CCDC158: variants seen among roughly 807,000 people sequenced by gnomAD.
CCDC158 encodes the protein coiled-coil domain containing 158.
Under a neutral mutation model 138.6 loss-of-function variants are expected in CCDC158, and 116 were observed. The ratio of observed to expected loss-of-function variants is 0.84; its 90% CI spans 0.72 to 0.98. The LOEUF is 0.98. Among genes scored for constraint, CCDC158 ranks in the 50% least tolerant of loss-of-function variants. The probability of loss-of-function intolerance (pLI) is 0.00; values close to 1 mark genes in which losing one functional copy is unlikely to be tolerated. For missense variants in CCDC158, 1,265 were observed against 1,306.1 expected (o/e 0.97, Z 0.48); for synonymous variants, 436 against 442.4 (o/e 0.99, Z 0.18).
At chr4:76,314,774 G>C (rs1463143798) in intron 24 of CCDC158, among the ~76,000 whole-genome samples, 1 of 152,152 alleles carries the variant, frequency 6.6e-6, no homozygotes, top group East Asian at 1.9e-4. Context: ...TATCTCACAG[G>C]GGCCCTCGGG....
intron 12 of CCDC158, among the ~76,000 whole-genome samples, chr4:76,363,101 T>G (rs1050432242): frequency 6.6e-6 from 1 of 152,206 alleles, no homozygotes; most frequent in African/African-American, 2.4e-5. Context: ...CTAAACTGTT[T>G]GTGCAAACAA....
intron 24 of CCDC158, among the ~76,000 whole-genome samples, chr4:76,315,752 G>C (rs1432949466): frequency 6.6e-6 from 1 of 152,162 alleles, no homozygotes; most frequent in Non-Finnish European, 1.5e-5. Flanking sequence ...GGAGGTGCTG[G>C]TATCCACGGC....
chr4:76,323,092 T>C (rs1278360761), intron 24 of CCDC158, among the ~76,000 whole-genome samples: 1 of 152,118 alleles, frequency 6.6e-6, no homozygotes, highest in Non-Finnish European at 1.5e-5. Context: ...CCCCATTAGA[T>C]AAGAGAGTAT....
chr4:76,337,236 C>G (rs1276240411), intron 18 of CCDC158, among the ~76,000 whole-genome samples: 1 of 152,078 alleles, frequency 6.6e-6, no homozygotes, highest in Non-Finnish European at 1.5e-5. Flanking sequence ...GCAATCTGCC[C>G]GCCTCGGCCT....
rs147328641 is a variant in CCDC158, at chr4:76,420,493, T to C, written c.-117+472A>G. The stretch of plus-strand genomic sequence containing the variant: ...TTGTGTTGCTGATTGATGCTGATAA[T>C]GAGGGAAAGCTCTGACCCCCACATG... On this transcript the variant is annotated intron_variant, in intron 1 of 24. Coordinates refer to ENST00000682701, the MANE Select transcript of CCDC158 (RefSeq NM_001394954.1). 6.3e-3 allele frequency among the ~76,000 whole-genome samples: 967 copies of C among 152,290 alleles called. 12 individuals are homozygous for C. Among genetic ancestry groups the C allele is most frequent in the African/African-American group, 0.022 (919 of 41,550 alleles).
At chr4:76,322,060 G>A (rs1456902862) in intron 24 of CCDC158, among the ~76,000 whole-genome samples, 1 of 151,746 alleles carries the variant, frequency 6.6e-6, no homozygotes, top group Non-Finnish European at 1.5e-5. Flanking sequence ...CTTGGGTGAT[G>A]GGTGCACCAA....
chr4:76,398,609 G>A (rs1728043817), intron 3 of CCDC158, among the ~76,000 whole-genome samples: 1 of 149,030 alleles, frequency 6.7e-6, no homozygotes, highest in Non-Finnish European at 1.5e-5. Context: ...AGAGGTGGCA[G>A]TGAGCTGAGA....
intron 3 of CCDC158, chr4:76,401,532 G>C (rs1728390459): frequency 5.5e-6 from 1 of 182,892 alleles, no homozygotes; most frequent in Non-Finnish European, 1.1e-5. Context: ...GAACTGGCTT[G>C]AGATATGAAG....
Position 76,369,633 on chromosome 4 carries a change from G to C in CCDC158, c.1150-10C>G, listed in dbSNP as rs769717572. ...TTTTGTGTAGATCAGCCTAAAAAAA[G>C]AGAGGAATGCTTTTTTCCTCCCTGC... On this transcript the variant is annotated splice_polypyrimidine_tract_variant and intron_variant, in intron 10 of 24. Transcript: ENST00000682701. The C allele has an allele frequency of 6.2e-7, 1 of 1,610,334 alleles. No homozygotes were observed. The highest frequency in any genetic ancestry group is 1.3e-5 in the African/African-American group (1 of 74,486).
chr4:76,420,085 C>G (rs138588525), intron 1 of CCDC158, among the ~76,000 whole-genome samples: 78 of 151,880 alleles, frequency 5.1e-4, no homozygotes, highest in African/African-American at 1.8e-3. Context: ...ACCCACAACA[C>G]AAGTAAGATA....
At chr4:76,397,124 G>A (rs1230414144) in intron 3 of CCDC158, among the ~76,000 whole-genome samples, 1 of 152,126 alleles carries the variant, frequency 6.6e-6, no homozygotes, top group Non-Finnish European at 1.5e-5. Flanking sequence ...CCTTGAGGAG[G>A]TAGAGGTTAA....
intron 22 of CCDC158, among the ~76,000 whole-genome samples, chr4:76,326,571 T>C (rs1192574304): frequency 3.3e-5 from 5 of 152,146 alleles, no homozygotes; most frequent in African/African-American, 2.4e-5. Flanking sequence ...GAAAAAATCA[T>C]ATCTGCACAA....
At chr4:76,344,780 T>G (rs965391677) in intron 18 of CCDC158, 6 of 1,609,750 alleles carry the variant, frequency 3.7e-6, no homozygotes, top group Non-Finnish European at 5.1e-6. Flanking sequence ...CACCTGCTGC[T>G]ATGAAGCCCG....
At chr4:76,337,302 C>T (rs1721611204) in intron 18 of CCDC158, among the ~76,000 whole-genome samples, 1 of 152,046 alleles carries the variant, frequency 6.6e-6, no homozygotes, top group African/African-American at 2.4e-5. Context: ...TTTATTTAGT[C>T]AAAATTATCA....
At chr4:76,342,961 C>T (rs1379645726) in intron 18 of CCDC158, among the ~76,000 whole-genome samples, 1 of 151,988 alleles carries the variant, frequency 6.6e-6, no homozygotes, top group Non-Finnish European at 1.5e-5. Context: ...TGTTAGAATC[C>T]CAGAAGCTGT....
intron 1 of CCDC158, among the ~76,000 whole-genome samples, chr4:76,412,460 T>C (rs1729366421): frequency 6.6e-6 from 1 of 152,016 alleles, no homozygotes. Context: ...AAAAAATTTT[T>C]TTAAAAATAG....
intron 4 of CCDC158, among the ~76,000 whole-genome samples, chr4:76,395,755 T>C (rs189378899): frequency 3.9e-5 from 6 of 152,320 alleles, no homozygotes; most frequent in African/African-American, 1.4e-4. Context: ...GTTTGACTTT[T>C]AGACTGTTAA....
At position 76,334,074 on chromosome 4, in the gene CCDC158, C is replaced by G; in HGVS notation, c.2758G>C (p.Ala920Pro). 1 of 1,613,938 alleles carries G rather than the reference C, an allele frequency of 6.2e-7. No individual in the cohort carries two copies. The highest frequency in any genetic ancestry group is 8.5e-7 in the Non-Finnish European group (1 of 1,179,840). Residue 920 changes from alanine (A) to proline (P), a missense_variant, in exon 19 of 25, where the codon GCT (alanine) becomes CCT (proline). Transcript: ENST00000682701. The stretch of plus-strand genomic sequence containing the variant: ...TCCTCTGTCTTGCTCAGAGACACAG[C>G]TGGCTCCTCATTGATCACGCTTCTC... ...ELRSVINEEP[A>P]VSLSKTEEDG...
chr4:76,352,576 T>C (rs936234483), intron 16 of CCDC158: 28 of 152,212 alleles, frequency 1.8e-4, no homozygotes, highest in African/African-American at 6.3e-4. Context: ...TTTGGTACAA[T>C]TTTAGGCTTC....
Sources: allele counts gnomAD v4.1 joint callset (sites outside exome capture counted in the v4.1 genomes callset), GRCh38; gene constraint gnomAD v4.1.1; transcripts MANE v1.5; gene names NCBI Gene and HGNC (gene_info 2026-07-23, HGNC 2026-07-21).